KIAA0513: variants seen among roughly 807,000 people sequenced by gnomAD.
The protein encoded by KIAA0513 is uncharacterized protein KIAA0513.
Under a neutral mutation model 56.5 loss-of-function variants are expected in KIAA0513, and 39 were observed. The ratio of observed to expected loss-of-function variants is 0.69; its 90% CI spans 0.53 to 0.90. The LOEUF (loss-of-function observed/expected upper bound fraction) is 0.90, where lower values mean the gene tolerates loss of function less well. KIAA0513 is among the 40% of genes least tolerant of loss of function. The probability of loss-of-function intolerance (pLI) is 0.00; values close to 1 mark genes in which losing one functional copy is unlikely to be tolerated. For missense variants in KIAA0513, 591 were observed against 535.2 expected (o/e 1.10, Z -1.03); for synonymous variants, 268 against 215.6 (o/e 1.24, Z -2.13).
Position 85,077,398 on chromosome 16 carries a change from C to G in KIAA0513, c.575-27C>G, listed in dbSNP as rs750417643. The G allele has an allele frequency of 3.7e-6, 6 of 1,610,546 alleles. No individual in the cohort carries two copies. The East Asian group carries it at 8.9e-5, about 24-fold the overall frequency. ...AGGCGCATACCCCAGCCTCACTGGC[C>G]TCGTCTTGTTCCCTCTCTCATCCAA... is the stretch of plus-strand genomic sequence containing the variant. On this transcript the variant is annotated intron_variant, in intron 5 of 12. Coordinates refer to ENST00000683363, the MANE Select transcript of KIAA0513 (RefSeq NM_001388359.1).
In KIAA0513 at chr16:85,077,660, C is replaced by T. The variant is rs62049921; in HGVS notation, c.782+28C>T. On this transcript the variant is annotated intron_variant, in intron 6 of 12. Coordinates refer to ENST00000683363, the MANE Select transcript of KIAA0513 (RefSeq NM_001388359.1). ...ACGTGTGGCCTTGGGGTCCCTCCCA[C>T]CTGCAGGGGACTGGGGAGAGGCTGG... 3.4e-3 allele frequency: 5,290 copies of T among 1,544,642 alleles called. 71 individuals carry two copies. The African/African-American group carries it at 0.042, about 12-fold the overall frequency.
At chr16:85,077,298 G>T (rs2073669787) in intron 5 of KIAA0513, 127 bp from the exon 6 acceptor site, 1 of 849,726 alleles carries the variant, frequency 1.2e-6, no homozygotes. Flanking sequence ...CCCTGTCCTC[G>T]GCTGAGGAGG....
Position 85,094,178 on chromosome 16 carries a change from A to C in KIAA0513, c.*5853A>C, listed in dbSNP as rs1010596141. The stretch of plus-strand genomic sequence containing the variant: ...GAAGAAAAACATGTGTATATATTGC[A>C]CCTTGAGTTGTCAGAAGGTAGAAAC... On this transcript the variant is annotated 3_prime_UTR_variant, in exon 13 of 13. Transcript: ENST00000683363. 3 of 152,016 alleles carry C rather than the reference A, an allele frequency of 2.0e-5. No homozygotes were observed. The highest frequency in any genetic ancestry group is 4.2e-4 in the South Asian group (2 of 4,816). 9.4% of individuals were successfully genotyped at this position (152,016 alleles called of 1,614,324 possible).
chr16:85,077,489 G>A lies in KIAA0513; in HGVS notation c.639G>A (p.Leu213=). The change falls in exon 6 of 13, where the codon CTG becomes CTA. Residue 213 remains leucine, a synonymous_variant. Coordinates refer to ENST00000683363, the MANE Select transcript of KIAA0513 (RefSeq NM_001388359.1). The stretch of plus-strand genomic sequence containing the variant: ...CCGCGGGCAGCATCGACTCCTACCT[G>A]AAATCCGCAAACAGCTGGCTGGCCG... ...EKPAGSIDSY[L]KSANSWLAEK... 6.2e-7 allele frequency: 1 copy of A among 1,614,188 alleles called. No individual in the cohort carries two copies. Among genetic ancestry groups the A allele is most frequent in the South Asian group, 1.1e-5 (1 of 91,086 alleles).
intron 10 of KIAA0513, 39 bp from the exon 11 acceptor site, chr16:85,086,605 C>G (rs1457274635): frequency 1.3e-6 from 2 of 1,588,468 alleles, no homozygotes; most frequent in South Asian, 2.2e-5. Context: ...AAGGACAGCA[C>G]CATCTGAGCC....
intron 8 of KIAA0513, among the ~76,000 whole-genome samples, chr16:85,080,766 C>G (rs2073731812): frequency 6.6e-6 from 1 of 152,156 alleles, no homozygotes; most frequent in South Asian, 2.1e-4. Context: ...GAACTCCAGC[C>G]TAGGCAACAA....
chr16:85,078,956 G>A lies in KIAA0513; in HGVS notation c.855G>A (p.Lys285=). Residue 285 remains lysine (K), a synonymous_variant, in exon 8 of 13, where the codon AAG becomes AAA. Transcript: ENST00000683363. ...CGTACAGCCCCGAGGACGAAAAGAA[G>A]GGGGAGAAGATCTACCTGTACACGC... The part of the protein sequence containing the change: ...VTAYSPEDEK[K]GEKIYLYTHL... 1.2e-6 allele frequency: 2 copies of A among 1,614,152 alleles called. No homozygotes were observed. Among genetic ancestry groups the A allele is most frequent in the Non-Finnish European group, 1.7e-6 (2 of 1,180,022 alleles).
In KIAA0513 at chr16:85,071,881, A is replaced by C. The variant is rs2073581573; in HGVS notation, c.428A>C (p.Gln143Pro). Residue 143 changes from glutamine (Q) to proline (P), a missense_variant and splice_region_variant, in exon 3 of 13, where the codon CAG (glutamine) becomes CCG (proline). Gln to Pro is a moderately conservative substitution (Grantham distance 76). Coordinates refer to ENST00000683363, the MANE Select transcript of KIAA0513 (RefSeq NM_001388359.1). ...REWFARYVSA[Q>P]RCNSKCVSEA... Reference sequence around the variant, plus strand: ...TGGTTTGCTCGATACGTGAGTGCCCAGGTAAGGGCGAGGTGATGGGAAGGA... The same window carrying C: ...TGGTTTGCTCGATACGTGAGTGCCCCGGTAAGGGCGAGGTGATGGGAAGGA... The C allele has an allele frequency of 6.3e-7, 1 of 1,595,932 alleles. No individual in the cohort carries two copies.
chr16:85,066,171 G>A (rs2073478187), intron 1 of KIAA0513, among the ~76,000 whole-genome samples: 4 of 152,230 alleles, frequency 2.6e-5, no homozygotes, highest in African/African-American at 9.6e-5. Context: ...AATAGGAGCA[G>A]AGTGGAGCTT....
At chr16:85,071,911 C>T (rs776272736) in intron 3 of KIAA0513, 29 bp downstream of exon 3, 10 of 1,392,084 alleles carry the variant, frequency 7.2e-6, no homozygotes, top group South Asian at 3.5e-5. Flanking sequence ...GAAGGATGGG[C>T]GTTTACTCTC....
In KIAA0513 at chr16:85,094,045, G is replaced by T. The variant is rs2073897736; in HGVS notation, c.*5720G>T. The T allele has an allele frequency of 1.3e-5, 2 of 152,062 alleles. No individual in the cohort carries two copies. The highest frequency in any genetic ancestry group is 1.3e-4 in the Admixed American group (2 of 15,268). The allele number at this position is 152,062 out of a possible 1,614,324, so 9.4% of individuals were successfully genotyped here. A position where few individuals can be genotyped will look rare whatever the true frequency, so the allele number is the denominator to read the frequency against. ...CCAGTATCTTCTCTGTTGCATTTTTGCAATCTTGTGTCCCGCTCGGTGATG... is the reference window on the plus strand; with the variant it reads ...CCAGTATCTTCTCTGTTGCATTTTTTCAATCTTGTGTCCCGCTCGGTGATG... On this transcript the variant is annotated 3_prime_UTR_variant, in exon 13 of 13. Coordinates refer to ENST00000683363, the MANE Select transcript of KIAA0513 (RefSeq NM_001388359.1).
chr16:85,079,188 C>G (rs923499478), intron 8 of KIAA0513, 185 bp downstream of exon 8: 1 of 1,285,002 alleles, frequency 7.8e-7, no homozygotes, highest in Admixed American at 2.7e-5. Context: ...CTGGAGCTCT[C>G]CTGTATGGCT....
At position 85,088,431 on chromosome 16, in the gene KIAA0513, C is replaced by T; in HGVS notation, c.*106C>T. ...GATGACCTGCATGAAGCCAGCAGCACCCAGAGCCACTCCTGCTGCCCTAGA... is the reference window on the plus strand; with the variant it reads ...GATGACCTGCATGAAGCCAGCAGCATCCAGAGCCACTCCTGCTGCCCTAGA... On this transcript the variant is annotated 3_prime_UTR_variant, in exon 13 of 13. Transcript: ENST00000683363. 2.3e-6 allele frequency: 2 copies of T among 885,518 alleles called. No homozygotes were observed. The highest frequency in any genetic ancestry group is 3.7e-6 in the Non-Finnish European group (2 of 546,190). The allele number at this position is 885,518 out of a possible 1,614,324, so 54.9% of individuals were successfully genotyped here. A position where few individuals can be genotyped will look rare whatever the true frequency, so the allele number is the denominator to read the frequency against.
intron 1 of KIAA0513, among the ~76,000 whole-genome samples, chr16:85,031,487 G>A (rs776744309): frequency 3.9e-5 from 6 of 152,192 alleles, no homozygotes; most frequent in Non-Finnish European, 8.8e-5. Context: ...TTATGCGAGA[G>A]TGGTCGTTTA....
Position 85,058,603 on chromosome 16 carries a change from G to T in KIAA0513, c.-172-8297G>T, listed in dbSNP as rs2073361846. Among the ~76,000 whole-genome samples the T allele has an allele frequency of 2.7e-5, 4 of 150,104 alleles. No individual in the cohort carries two copies. In the South Asian group the frequency reaches 8.4e-4, roughly 31 times the overall value. ...GGTGGCAAAGGTTGCGGTGAGCCAAGATTGCTCCACTGCGCTCCAGCCTGG... is the reference window on the plus strand; with the variant it reads ...GGTGGCAAAGGTTGCGGTGAGCCAATATTGCTCCACTGCGCTCCAGCCTGG... On this transcript the variant is annotated intron_variant, in intron 1 of 12. Coordinates refer to ENST00000683363, the MANE Select transcript of KIAA0513 (RefSeq NM_001388359.1).
chr16:85,077,914 C>T (rs1227682223), intron 6 of KIAA0513, among the ~76,000 whole-genome samples: 2 of 152,332 alleles, frequency 1.3e-5, no homozygotes. Context: ...CCTTCTGTCT[C>T]CTCTGTCCCC....
chr16:85,074,487 C>T (rs1442160588), intron 4 of KIAA0513, among the ~76,000 whole-genome samples: 1 of 152,154 alleles, frequency 6.6e-6, no homozygotes, highest in Non-Finnish European at 1.5e-5. Context: ...CCAGCCTGCT[C>T]TCTTGAGTCC....
At chr16:85,050,354 TA>T (rs398042272) in intron 1 of KIAA0513, among the ~76,000 whole-genome samples, 3,587 of 121,614 alleles carry the variant, frequency 0.029, 89 homozygotes, top group East Asian at 0.074. Context: ...TTTATTTATT[TA>T]TTTATTTTTT....
At chr16:85,071,739 A>AT in intron 2 of KIAA0513, 44 bp from the exon 3 acceptor site, 2 of 1,359,158 alleles carry the variant, frequency 1.5e-6, no homozygotes, top group Non-Finnish European at 2.0e-6. Flanking sequence ...GGGATTGAAA[A>AT]GGGTTTTTTT....
Sources: gnomAD v4.1 joint callset for allele counts (sites outside exome capture counted in the v4.1 genomes callset) on GRCh38, gnomAD v4.1.1 for gene constraint, MANE v1.5 for transcripts, NCBI Gene and HGNC (gene_info 2026-07-23, HGNC 2026-07-21) for gene names.